SPAG16: variants seen among roughly 807,000 people sequenced by gnomAD.
SPAG16 encodes sperm associated antigen 16, also known as sperm-associated antigen 16 protein.
Under a neutral mutation model 80.4 loss-of-function variants are expected in SPAG16, and 86 were observed. The observed-to-expected ratio is 1.07, with a 90% CI of 0.90 to 1.28. The LOEUF is 1.28. SPAG16 is among the 50% of genes most tolerant of loss of function. The probability of loss-of-function intolerance (pLI) is 0.00; values close to 1 mark genes in which losing one functional copy is unlikely to be tolerated. For synonymous variants in SPAG16, 294 were observed against 265.9 expected (o/e 1.11, Z -1.03); for missense variants, 870 against 765.3 (o/e 1.14, Z -1.61).
At chr2:213,775,967 T>C (rs534686558) in intron 10 of SPAG16, among the ~76,000 whole-genome samples, 1 of 152,364 alleles carries the variant, frequency 6.6e-6, no homozygotes, top group East Asian at 1.9e-4. Context: ...ATGATTGCTT[T>C]CTTTCCAAGG....
intron 13 of SPAG16, among the ~76,000 whole-genome samples, chr2:214,020,886 G>T (rs943128392): frequency 2.0e-5 from 3 of 152,076 alleles, no homozygotes; most frequent in African/African-American, 7.2e-5. Flanking sequence ...AAAGGTTACT[G>T]CCCTTATGTA....
chr2:213,426,768 TG>T, intron 9 of SPAG16, among the ~76,000 whole-genome samples: 1 of 150,728 alleles, frequency 6.6e-6, no homozygotes, highest in South Asian at 2.1e-4. Flanking sequence ...TGTGTGTGTG[TG>T]TGTGTGTGTG....
intron 9 of SPAG16, among the ~76,000 whole-genome samples, chr2:213,391,020 A>C (rs1479638164): frequency 6.6e-6 from 1 of 152,190 alleles, no homozygotes; most frequent in Non-Finnish European, 1.5e-5. Flanking sequence ...CTGTAATCCC[A>C]GCACTTTGGG....
intron 10 of SPAG16, among the ~76,000 whole-genome samples, chr2:213,725,157 C>T (rs1204050562): frequency 6.6e-6 from 1 of 152,064 alleles, no homozygotes; most frequent in East Asian, 1.9e-4. Context: ...CTCAGCCTCC[C>T]TAGCAGCTGG....
chr2:213,680,131 A>G (rs573871024), intron 10 of SPAG16, among the ~76,000 whole-genome samples: 1 of 152,288 alleles, frequency 6.6e-6, no homozygotes, highest in South Asian at 2.1e-4. Flanking sequence ...TAGTGTCAAG[A>G]GAGCAGGGTG....
chr2:214,165,089 T>A (rs568676102), intron 15 of SPAG16, among the ~76,000 whole-genome samples: 6 of 152,296 alleles, frequency 3.9e-5, no homozygotes, highest in African/African-American at 1.4e-4. Flanking sequence ...GTTGATAACA[T>A]TTAGAAGTGT....
intron 9 of SPAG16, among the ~76,000 whole-genome samples, chr2:213,454,412 T>TTCTC (rs1177016956): frequency 1.3e-5 from 2 of 152,192 alleles, no homozygotes; most frequent in Non-Finnish European, 2.9e-5. Flanking sequence ...AGATTATATT[T>TTCTC]TCTCTATATC....
intron 12 of SPAG16, among the ~76,000 whole-genome samples, chr2:213,932,195 TA>T (rs2078790498): frequency 7.0e-5 from 8 of 114,868 alleles, no homozygotes; most frequent in African/African-American, 2.8e-4. Context: ...TATATATATA[TA>T]TATTTGTTGT....
intron 15 of SPAG16, among the ~76,000 whole-genome samples, chr2:214,401,234 A>G (rs1314103967): frequency 6.6e-6 from 1 of 151,980 alleles, no homozygotes; most frequent in Non-Finnish European, 1.5e-5. Flanking sequence ...AAGAAACAGC[A>G]GATGCCTCTC....
chr2:214,080,337 G>A (rs1045774206), intron 13 of SPAG16, among the ~76,000 whole-genome samples: 2 of 151,840 alleles, frequency 1.3e-5, no homozygotes, highest in African/African-American at 2.4e-5. Context: ...GGTGGCTCAC[G>A]CCTGTAATCC....
chr2:213,738,191 G>A (rs768204233), intron 10 of SPAG16, among the ~76,000 whole-genome samples: 2 of 152,144 alleles, frequency 1.3e-5, no homozygotes, highest in Non-Finnish European at 2.9e-5. Context: ...TGTAGAGCCA[G>A]TATAGTTAAG....
intron 14 of SPAG16, among the ~76,000 whole-genome samples, chr2:214,132,114 A>T (rs770575393): frequency 3.0e-4 from 45 of 152,242 alleles, no homozygotes; most frequent in Non-Finnish European, 5.4e-4. Flanking sequence ...AAAAAAATAA[A>T]GACTTTAAAA....
chr2:213,387,429 C>CTTTTTTTTTTTTT (rs1491308938), intron 9 of SPAG16, among the ~76,000 whole-genome samples: 11 of 71,758 alleles, frequency 1.5e-4, no homozygotes, highest in East Asian at 6.2e-4. Flanking sequence ...GAAATGCATG[C>CTTTTTTTTTTTTT]TCTTTTTTTT....
intron 15 of SPAG16, among the ~76,000 whole-genome samples, chr2:214,356,868 C>T (rs1474406036): frequency 6.6e-6 from 1 of 151,858 alleles, no homozygotes; most frequent in Admixed American, 6.6e-5. Flanking sequence ...CTCAAGTTTT[C>T]TTCTTCTATC....
chr2:213,424,278 T>C (rs2069772015), intron 9 of SPAG16, among the ~76,000 whole-genome samples: 1 of 152,176 alleles, frequency 6.6e-6, no homozygotes, highest in Non-Finnish European at 1.5e-5. Flanking sequence ...TCAAAATAAT[T>C]GTTATTAGAA....
chr2:213,758,677 G>A (rs1220119985), intron 10 of SPAG16, among the ~76,000 whole-genome samples: 2 of 152,152 alleles, frequency 1.3e-5, no homozygotes, highest in African/African-American at 4.8e-5. Flanking sequence ...AAAGTAAACA[G>A]AGTCTAAGGG....
chr2:214,299,057 T>A (rs1228186183), intron 15 of SPAG16, among the ~76,000 whole-genome samples: 1 of 152,068 alleles, frequency 6.6e-6, no homozygotes, highest in Admixed American at 6.6e-5. Flanking sequence ...AGACCCCTTG[T>A]AAAGTGAAGT....
At chr2:213,750,852 C>G (rs2068046501) in intron 10 of SPAG16, among the ~76,000 whole-genome samples, 1 of 152,156 alleles carries the variant, frequency 6.6e-6, no homozygotes, top group Non-Finnish European at 1.5e-5. Context: ...TAATGCTTCC[C>G]TTAATATGGG....
chr2:214,234,563 C>G (rs1161562363), intron 15 of SPAG16, among the ~76,000 whole-genome samples: 1 of 152,080 alleles, frequency 6.6e-6, no homozygotes, highest in Non-Finnish European at 1.5e-5. Context: ...GTTTATTTGA[C>G]TTTTTAATAA....
Sources: allele counts gnomAD v4.1 joint callset (sites outside exome capture counted in the v4.1 genomes callset), GRCh38; gene constraint gnomAD v4.1.1; transcripts MANE v1.5; gene names NCBI Gene and HGNC (gene_info 2026-07-23, HGNC 2026-07-21).